The following PXN variants were observed in gnomAD, a reference collection of about 807,000 sequenced individuals.
PXN encodes the protein paxillin, also known as testicular tissue protein Li 134.
A neutral mutation model predicts 103.6 loss-of-function variants in PXN; 61 were observed. The ratio of observed to expected loss-of-function variants is 0.59; its 90% CI spans 0.48 to 0.73. PXN has a LOEUF of 0.73. Among genes scored for constraint, PXN ranks in the 30% least tolerant of loss-of-function variants. The pLI is 0.00. For missense variants in PXN, 1,274 were observed against 1,460.3 expected, an observed-to-expected ratio of 0.87 and a Z score of 2.08; for synonymous variants, 562 against 607.8, an observed-to-expected ratio of 0.92 and a Z score of 1.11.
chr12:120,248,492 TCACACACA>T (rs3221954), intron 1 of PXN, among the ~76,000 whole-genome samples: 1,594 of 127,922 alleles, frequency 0.012, 24 homozygotes, highest in African/African-American at 0.027. Flanking sequence ...CAGATGACTT[TCACACACA>T]CACACACACA....
chr12:120,255,256 G>C (rs979245919), intron 1 of PXN, among the ~76,000 whole-genome samples: 10 of 152,220 alleles, frequency 6.6e-5, no homozygotes, highest in African/African-American at 2.2e-4. Flanking sequence ...TCAGGGATCA[G>C]AGGAGACTTG....
intron 1 of PXN, among the ~76,000 whole-genome samples, chr12:120,245,743 G>A (rs1321920434): frequency 2.1e-5 from 3 of 141,282 alleles, no homozygotes; most frequent in South Asian, 2.2e-4. Flanking sequence ...AGCCGAGATC[G>A]CACGACTGCA....
At position 120,216,504 on chromosome 12, in the gene PXN, G is replaced by A. The variant is rs922362620; in HGVS notation, c.2070C>T (p.Leu690=). Residue 690 remains leucine (L), a synonymous_variant, in exon 9 of 15, where the codon CTC becomes CTT. Coordinates refer to ENST00000637617, the MANE Select transcript of PXN (RefSeq NM_001385981.1). This position sits in a 1 kb window ranked among gnomAD's most constrained non-coding sequence, Gnocchi z 5.1. The stretch of plus-strand genomic sequence containing the variant: ...TGGCCGCGGCGTCTGTGCGATGCTG[G>A]AGCAAAGGGACAGAAGGAGAAGCCA... ...SVLASPSVPL[L]QHRTDAAASS... 2 of 1,395,808 alleles carry A rather than the reference G, an allele frequency of 1.4e-6. No homozygotes were observed. The highest frequency in any genetic ancestry group is 3.0e-5 in the African/African-American group (2 of 66,484). 86.5% of individuals were successfully genotyped at this position (1,395,808 alleles called of 1,614,324 possible).
chr12:120,212,703 C>T lies in PXN; in HGVS notation c.2980-123G>A. On this transcript the variant is annotated intron_variant, in intron 14 of 14. Transcript: ENST00000637617. This position sits in a 1 kb window ranked among gnomAD's most constrained non-coding sequence, Gnocchi z 7.2. Reference sequence around the variant, plus strand: ...TGACTCCTACTTGCTAGGCGTTTCCCATGTGCCGTGTTGTCCTAAACGCTC... The same window carrying T: ...TGACTCCTACTTGCTAGGCGTTTCCTATGTGCCGTGTTGTCCTAAACGCTC... 1 of 1,202,804 alleles carries T rather than the reference C, an allele frequency of 8.3e-7. No individual in the cohort carries two copies. The highest frequency in any genetic ancestry group is 1.5e-5 in the South Asian group (1 of 68,938). 74.5% of individuals were successfully genotyped at this position (1,202,804 alleles called of 1,614,324 possible).
intron 1 of PXN, among the ~76,000 whole-genome samples, chr12:120,237,125 A>ATG (rs1889203628): frequency 1.5e-5 from 2 of 131,192 alleles, no homozygotes; most frequent in South Asian, 2.5e-4. Flanking sequence ...TTATGTATGT[A>ATG]CGTGTGTGTG....
Position 120,210,554 on chromosome 12 carries a change from T to C in PXN, c.*1760A>G, listed in dbSNP as rs1879915730. 1.3e-5 allele frequency: 2 copies of C among 152,210 alleles called. No homozygotes were observed. The highest frequency in any genetic ancestry group is 4.8e-5 in the African/African-American group (2 of 41,440). The allele number at this position is 152,210 out of a possible 1,614,324, so 9.4% of individuals were successfully genotyped here. ...ATAAAATCAAAATCAAATTTTCAAA[T>C]AACCACTGACTCAGAGAATGGACCC... On this transcript the variant is annotated 3_prime_UTR_variant, in exon 15 of 15. Transcript: ENST00000637617.
intron 1 of PXN, among the ~76,000 whole-genome samples, chr12:120,238,731 G>C (rs1180239792): frequency 6.6e-6 from 1 of 152,236 alleles, no homozygotes; most frequent in East Asian, 1.9e-4. Flanking sequence ...CTGGGTGACT[G>C]TTCAGGTAGA....
At chr12:120,253,077 T>C (rs532711235) in intron 1 of PXN, among the ~76,000 whole-genome samples, 2 of 151,514 alleles carry the variant, frequency 1.3e-5, no homozygotes, top group Non-Finnish European at 2.9e-5. Context: ...TGGCAACTAA[T>C]TTGGAATATT....
In PXN at chr12:120,221,534, C is replaced by T; in HGVS notation, c.831+89G>A. On this transcript the variant is annotated intron_variant, in intron 6 of 14. Coordinates refer to ENST00000637617, the MANE Select transcript of PXN (RefSeq NM_001385981.1). The surrounding 1 kb of genome is among the most constrained non-coding windows in gnomAD (Gnocchi z 6.6). ...GGCAAGGCACCCAAACACTGAGATG[C>T]CAAGATCCAGCTACCCACACTGAGG... 1 of 1,420,422 alleles carries T rather than the reference C, an allele frequency of 7.0e-7. No homozygotes were observed. Among genetic ancestry groups the T allele is most frequent in the Admixed American group, 2.1e-5 (1 of 47,496 alleles). The allele number at this position is 1,420,422 out of a possible 1,614,324, so 88.0% of individuals were successfully genotyped here. A position where few individuals can be genotyped will look rare whatever the true frequency, so the allele number is the denominator to read the frequency against.
chr12:120,226,039 C>A (rs925041320), intron 1 of PXN: 1 of 1,082,240 alleles, frequency 9.2e-7, no homozygotes, highest in Non-Finnish European at 1.1e-6. Context: ...ATGGAGGAGG[C>A]CTGGCTTCCT....
chr12:120,251,955 C>T (rs1252912363), intron 1 of PXN, among the ~76,000 whole-genome samples: 1 of 152,148 alleles, frequency 6.6e-6, no homozygotes, highest in Non-Finnish European at 1.5e-5. Flanking sequence ...GAAAGTATTT[C>T]GGGAAAGTAT....
At position 120,257,882 on chromosome 12, in the gene PXN, G is replaced by A. The variant is rs111624932; in HGVS notation, c.13+7735C>T. The stretch of plus-strand genomic sequence containing the variant: ...ACAGGCCTCAAGCTGCCCAGAGACC[G>A]TTCCCTGAATTATGTAAAGCCTTGC... On this transcript the variant is annotated intron_variant, in intron 1 of 14. Coordinates refer to ENST00000637617, the MANE Select transcript of PXN (RefSeq NM_001385981.1). Among the ~76,000 whole-genome samples, 326 of 152,232 alleles carry A rather than the reference G, an allele frequency of 2.1e-3. 1 individual carries two copies. Among genetic ancestry groups the A allele is most frequent in the East Asian group, 0.014 (75 of 5,176 alleles).
In PXN at chr12:120,212,114, G is replaced by A. The variant is rs1278863962; in HGVS notation, c.*200C>T. On this transcript the variant is annotated 3_prime_UTR_variant, in exon 15 of 15. Transcript: ENST00000637617. This position sits in a 1 kb window ranked among gnomAD's most constrained non-coding sequence, Gnocchi z 7.2. ...AGCCTAGGGAGAGCTACAGGAGGGA[G>A]GAGGGGGCCCAGAGGCTCTGGCAGG... 3.6e-6 allele frequency: 3 copies of A among 822,834 alleles called. No individual in the cohort carries two copies. Among genetic ancestry groups the A allele is most frequent in the Admixed American group, 3.6e-5 (2 of 55,132 alleles). 51.0% of individuals were successfully genotyped at this position (822,834 alleles called of 1,614,324 possible).
Position 120,224,030 on chromosome 12 carries a change from TG to T in PXN, c.240+120del. On this transcript the variant is annotated intron_variant, in intron 2 of 14. Coordinates refer to ENST00000637617, the MANE Select transcript of PXN (RefSeq NM_001385981.1). This position sits in a 1 kb window ranked among gnomAD's most constrained non-coding sequence, Gnocchi z 5.0. The stretch of plus-strand genomic sequence containing the variant: ...CGTGGTGAGTGGGAAGAGCAGTGTC[TG>T]GTTGGGAAGGGTCGACTGCCCCAAT... 1 of 863,754 alleles carries T rather than the reference TG, an allele frequency of 1.2e-6. No individual in the cohort carries two copies. Among genetic ancestry groups the T allele is most frequent in the Non-Finnish European group, 1.8e-6 (1 of 565,500 alleles). The allele number at this position is 863,754 out of a possible 1,614,324, so 53.5% of individuals were successfully genotyped here.
chr12:120,227,024 G>A, intron 1 of PXN: 3 of 986,810 alleles, frequency 3.0e-6, no homozygotes, highest in Non-Finnish European at 3.6e-6. Context: ...TTCCTCCAAG[G>A]AGAGCAGTGT....
chr12:120,219,346 G>A lies in PXN; in HGVS notation c.1577C>T (p.Thr526Ile), dbSNP rs773517042. 6.3e-6 allele frequency: 10 copies of A among 1,598,282 alleles called. No individual in the cohort carries two copies. Among genetic ancestry groups the A allele is most frequent in the African/African-American group, 4.0e-5 (3 of 74,928 alleles). ...MTERGSVARP[T>I]QGPETPRSPE... ...GCTCCTTGGGGTTTCAGGTCCCTGG[G>A]TTGGCCTGGCCACACTTCCCCTCTC... Residue 526 changes from threonine (T) to isoleucine (I), a missense_variant, in exon 7 of 15, where the codon ACC (threonine) becomes ATC (isoleucine). By Grantham distance (89) the Thr-to-Ile change is moderately conservative. This residue lies in a region of PXN where 1,178 missense variants were observed against 1,309.0 expected (regional missense o/e 0.90). Transcript: ENST00000637617. This position sits in a 1 kb window ranked among gnomAD's most constrained non-coding sequence, Gnocchi z 6.5.
At chr12:120,235,725 T>C (rs1255386119) in intron 1 of PXN, among the ~76,000 whole-genome samples, 1 of 152,152 alleles carries the variant, frequency 6.6e-6, no homozygotes, top group Non-Finnish European at 1.5e-5. Flanking sequence ...GAGGAGCCCC[T>C]AGTGGTGGTA....
Position 120,228,530 on chromosome 12 carries a change from G to A in PXN, c.14-4153C>T, listed in dbSNP as rs1207853784. Among the ~76,000 whole-genome samples, 1 of 152,234 alleles carries A rather than the reference G, an allele frequency of 6.6e-6. No individual in the cohort carries two copies. The highest frequency in any genetic ancestry group is 6.5e-5 in the Admixed American group (1 of 15,286). ...CTGCTCCCCACCAGAGGGCACCATT[G>A]GCCCGTCAGCTTCTTGCCACTGGGT... On this transcript the variant is annotated intron_variant, in intron 1 of 14. Coordinates refer to ENST00000637617, the MANE Select transcript of PXN (RefSeq NM_001385981.1). This position sits in a 1 kb window ranked among gnomAD's most constrained non-coding sequence, Gnocchi z 4.7.
At chr12:120,235,792 TTGA>T (rs1464155909) in intron 1 of PXN, among the ~76,000 whole-genome samples, 1 of 152,218 alleles carries the variant, frequency 6.6e-6, no homozygotes, top group East Asian at 1.9e-4. Flanking sequence ...GTCTAACTTG[TTGA>T]TGTGCAAGGT....
Sources: gnomAD v4.1 joint callset for allele counts (sites outside exome capture counted in the v4.1 genomes callset) on GRCh38, gnomAD v4.1.1 for gene constraint, gnomAD v4.1.1 regional missense constraint, Gnocchi (gnomAD v3.1) non-coding constraint, MANE v1.5 for transcripts, NCBI Gene and HGNC (gene_info 2026-07-23, HGNC 2026-07-21) for gene names.